The following TMEM52B variants were observed in gnomAD, a reference collection of about 807,000 sequenced individuals.
TMEM52B encodes chromosome 12 open reading frame 59.
TMEM52B carries 11 observed loss-of-function variants against 16.1 expected under a neutral mutation model. The ratio of observed to expected loss-of-function variants is 0.68; its 90% CI spans 0.43 to 1.13. The LOEUF is 1.13. Ranked by LOEUF, TMEM52B falls within the 50% of genes most tolerant of loss-of-function variation. TMEM52B has a pLI of 0.00. For synonymous variants in TMEM52B, 101 were observed against 93.8 expected (o/e 1.08, Z -0.45); for missense variants, 243 against 230.4 (o/e 1.05, Z -0.35).
In TMEM52B at chr12:10,171,974, C is replaced by A. The variant is rs776752994; in HGVS notation, c.-95+1123C>A. ...TTGGGGCTAACACTGGGATTCTTTC[C>A]CTGTACACATTTTCCCATCCCTAGT... is the stretch of plus-strand genomic sequence containing the variant. On this transcript the variant is annotated intron_variant, in intron 1 of 5. Transcript: ENST00000381923. The A allele has an allele frequency of 8.3e-6, 13 of 1,557,582 alleles. No homozygotes were observed. The South Asian group carries it at 1.3e-4, about 16-fold the overall frequency.
intron 2 of TMEM52B, among the ~76,000 whole-genome samples, chr12:10,183,064 C>G (rs1317393815): frequency 6.6e-6 from 1 of 152,156 alleles, no homozygotes; most frequent in African/African-American, 2.4e-5. Flanking sequence ...TAGTTATCAA[C>G]TAATCCAAAC....
chr12:10,171,780 C>T (rs1948720526), intron 1 of TMEM52B, among the ~76,000 whole-genome samples: 1 of 152,170 alleles, frequency 6.6e-6, no homozygotes, highest in Admixed American at 6.5e-5. Flanking sequence ...AAGTGAATAA[C>T]ATATAGAATA....
intron 2 of TMEM52B, among the ~76,000 whole-genome samples, chr12:10,184,924 G>C (rs1948863662): frequency 6.6e-6 from 1 of 151,986 alleles, no homozygotes; most frequent in South Asian, 2.1e-4. Context: ...ATGTTGGCCA[G>C]GCTGGTCTCC....
At chr12:10,171,899 C>A in intron 1 of TMEM52B, 1 of 754,566 alleles carries the variant, frequency 1.3e-6, no homozygotes. Flanking sequence ...TCTATTTTCC[C>A]ATACTTGGGT....
intron 2 of TMEM52B, among the ~76,000 whole-genome samples, chr12:10,184,615 T>C (rs1033723734): frequency 6.6e-6 from 1 of 152,096 alleles, no homozygotes. Flanking sequence ...TGGGAGAGTA[T>C]AGCAGGAAGA....
In TMEM52B at chr12:10,179,407, G is replaced by A; in HGVS notation, c.-168G>A. On this transcript the variant is annotated 5_prime_UTR_variant, in exon 1 of 5. Transcript: ENST00000543484. ...AAAGCCATAGAAAATAACAGCCAGA[G>A]CGAGTAGGAGGAGACAGAGAGAACG... 1.5e-6 allele frequency: 1 copy of A among 679,982 alleles called. No individual in the cohort carries two copies. Among genetic ancestry groups the A allele is most frequent in the Non-Finnish European group, 2.6e-6 (1 of 385,382 alleles). The allele number at this position is 679,982 out of a possible 1,614,324, so 42.1% of individuals were successfully genotyped here.
intron 1 of TMEM52B, among the ~76,000 whole-genome samples, chr12:10,171,753 G>C (rs1234907169): frequency 6.6e-6 from 1 of 152,182 alleles, no homozygotes; most frequent in East Asian, 1.9e-4. Context: ...CGAAGATTCT[G>C]AGAAATAATA....
At chr12:10,172,047 C>T in intron 1 of TMEM52B, 1 of 1,613,848 alleles carries the variant, frequency 6.2e-7, no homozygotes, top group Non-Finnish European at 8.5e-7. Context: ...TGGTCCTTCA[C>T]AGTCTGGATC....
rs752037189 is a variant in TMEM52B, at chr12:10,179,541, G to A, written c.-34G>A. 1.2e-6 allele frequency: 2 copies of A among 1,612,920 alleles called. No homozygotes were observed. On this transcript the variant is annotated 5_prime_UTR_variant, in exon 1 of 5. The change creates a new upstream start codon in the 5' untranslated region. Transcript: ENST00000543484. ...ATTGAAAGGAGGCAACGGATGCCCAGTGCAAGATTCTGAAGAAGCAGGAAT... is the reference window on the plus strand; with the variant it reads ...ATTGAAAGGAGGCAACGGATGCCCAATGCAAGATTCTGAAGAAGCAGGAAT...
chr12:10,185,256 A>G, intron 2 of TMEM52B, 74 bp from the exon 3 acceptor site: 10 of 1,034,244 alleles, frequency 9.7e-6, no homozygotes, highest in South Asian at 3.8e-5. Flanking sequence ...ATTGTAACTC[A>G]TATTTCTGAG....
At chr12:10,183,163 A>C (rs1280407913) in intron 2 of TMEM52B, among the ~76,000 whole-genome samples, 1 of 152,228 alleles carries the variant, frequency 6.6e-6, no homozygotes, top group Non-Finnish European at 1.5e-5. Context: ...GTAAAATACA[A>C]ATTTTAAAAA....
intron 4 of TMEM52B, among the ~76,000 whole-genome samples, chr12:10,187,056 G>A (rs1185644052): frequency 4.1e-5 from 6 of 147,484 alleles, no homozygotes; most frequent in African/African-American, 1.5e-4. Context: ...ATGATTATAA[G>A]ACACTTTCCC....
chr12:10,182,090 G>A (rs997393251), intron 1 of TMEM52B: 9 of 980,696 alleles, frequency 9.2e-6, no homozygotes, highest in East Asian at 1.1e-4. Flanking sequence ...GTAGCTATTC[G>A]ATAAATAAGA....
chr12:10,191,701 C>T lies in TMEM52B; in HGVS notation c.*1561C>T, dbSNP rs1948960725. 1 of 152,180 alleles carries T rather than the reference C, an allele frequency of 6.6e-6. No homozygotes were observed. Among genetic ancestry groups the T allele is most frequent in the African/African-American group, 2.4e-5 (1 of 41,426 alleles). 9.4% of individuals were successfully genotyped at this position (152,180 alleles called of 1,614,324 possible). On this transcript the variant is annotated 3_prime_UTR_variant, in exon 5 of 5. Transcript: ENST00000543484. Reference sequence around the variant, plus strand: ...TGCCTGCTATGACTTATCTGAGAGCCATGTTCCCATTTATCTTTTTGCCAA... The same window carrying T: ...TGCCTGCTATGACTTATCTGAGAGCTATGTTCCCATTTATCTTTTTGCCAA...
chr12:10,177,420 C>T (rs1279470503), upstream of TMEM52B, among the ~76,000 whole-genome samples: 1 of 151,968 alleles, frequency 6.6e-6, no homozygotes, highest in Non-Finnish European at 1.5e-5. Flanking sequence ...GTGTGAGGAC[C>T]CTTAGAGTAT....
chr12:10,189,832 C>A, intron 4 of TMEM52B, 64 bp from the exon 5 acceptor site: 3 of 1,581,358 alleles, frequency 1.9e-6, no homozygotes, highest in South Asian at 1.1e-5. Flanking sequence ...TGAAGTAAGT[C>A]TCTGCTGTCT....
intron 1 of TMEM52B, among the ~76,000 whole-genome samples, chr12:10,173,436 C>T (rs1400949383): frequency 4.6e-5 from 7 of 152,048 alleles, no homozygotes; most frequent in Non-Finnish European, 1.0e-4. Context: ...TTCCCTCCTC[C>T]TCCCTGTTTC....
intron 4 of TMEM52B, among the ~76,000 whole-genome samples, chr12:10,186,923 G>A (rs1018533136): frequency 1.3e-5 from 2 of 152,054 alleles, no homozygotes; most frequent in African/African-American, 4.8e-5. Context: ...CTTGGATTTT[G>A]TGAAATCTAC....
At chr12:10,180,271 G>GT (rs1351612520) in intron 1 of TMEM52B, among the ~76,000 whole-genome samples, 5 of 114,324 alleles carry the variant, frequency 4.4e-5, no homozygotes, top group Admixed American at 2.7e-4. Context: ...GGGCTGTATG[G>GT]TTTGTTTTTT....
Sources: allele counts gnomAD v4.1 joint callset (sites outside exome capture counted in the v4.1 genomes callset), GRCh38; gene constraint gnomAD v4.1.1; transcripts MANE v1.5; gene names NCBI Gene and HGNC (gene_info 2026-07-23, HGNC 2026-07-21).